The following PIP4K2C variants were observed in gnomAD, a reference collection of about 807,000 sequenced individuals.
PIP4K2C encodes the protein phosphatidylinositol-5-phosphate 4-kinase type 2 gamma, also known as phosphatidylinositol 5-phosphate 4-kinase type-2 gamma.
In PIP4K2C, 21 loss-of-function variants were observed where a neutral mutation model predicts 45.0. The ratio of observed to expected loss-of-function variants is 0.47; its 90% CI spans 0.33 to 0.67. The LOEUF is 0.67. PIP4K2C is among the 30% of genes least tolerant of loss of function. The pLI, the probability that PIP4K2C is intolerant of heterozygous loss-of-function variation, is 0.02. For missense variants in PIP4K2C, 456 were observed against 542.8 expected (o/e 0.84, Z 1.59); for synonymous variants, 201 against 204.8 (o/e 0.98, Z 0.16).
In PIP4K2C at chr12:57,591,479, A is replaced by G. The variant is rs1307554581; in HGVS notation, c.174+16A>G. On this transcript the variant is annotated intron_variant, in intron 1 of 9. Coordinates refer to ENST00000354947, the MANE Select transcript of PIP4K2C (RefSeq NM_024779.5). ...AGCCCACTCGGTGAGAACCAGCCCT[A>G]GACCCCCGCAGCCCTGTCCAAACCC... 3 of 1,601,920 alleles carry G rather than the reference A, an allele frequency of 1.9e-6. No individual in the cohort carries two copies. In the African/African-American group the frequency reaches 4.1e-5, roughly 22 times the overall value.
chr12:57,599,286 T>C, intron 5 of PIP4K2C, 75 bp downstream of exon 5: 3 of 1,605,458 alleles, frequency 1.9e-6, no homozygotes, highest in Non-Finnish European at 2.6e-6. Context: ...GGGAGGTCTT[T>C]GGATGATTCC....
intron 5 of PIP4K2C, 54 bp downstream of exon 5, chr12:57,599,265 G>A: frequency 1.9e-6 from 3 of 1,608,800 alleles, no homozygotes; most frequent in Non-Finnish European, 2.6e-6. Context: ...CCTGAGAATG[G>A]GGAAGACCCT....
chr12:57,598,064 T>C (rs1883266566), intron 4 of PIP4K2C: 1 of 152,176 alleles, frequency 6.6e-6, no homozygotes, highest in Non-Finnish European at 1.5e-5. Flanking sequence ...AGAGAGATGG[T>C]AAGCACTGAA....
At position 57,600,939 on chromosome 12, in the gene PIP4K2C, C is replaced by T; in HGVS notation, c.942C>T (p.Ser314=). The change falls in exon 8 of 10, where the codon AGC becomes AGT. Residue 314 remains serine (S), a synonymous_variant. Coordinates refer to ENST00000354947, the MANE Select transcript of PIP4K2C (RefSeq NM_024779.5). ...AGTCAGAGGTGGATGGGGACTGCAG[C>T]CTGACTGGACCTCCTGCTCTGGTGG... is the stretch of plus-strand genomic sequence containing the variant. ...EDESEVDGDC[S]LTGPPALVGS... 6.2e-7 allele frequency: 1 copy of T among 1,614,210 alleles called. No homozygotes were observed. The highest frequency in any genetic ancestry group is 8.5e-7 in the Non-Finnish European group (1 of 1,180,048).
intron 6 of PIP4K2C, 133 bp downstream of exon 6, chr12:57,599,571 A>G: frequency 9.8e-7 from 1 of 1,022,742 alleles, no homozygotes; most frequent in Non-Finnish European, 1.5e-6. Flanking sequence ...TAAACCACTT[A>G]AAAGAAGGGG....
intron 4 of PIP4K2C, among the ~76,000 whole-genome samples, chr12:57,597,153 G>C (rs1053692305): frequency 2.6e-5 from 4 of 152,210 alleles, no homozygotes; most frequent in African/African-American, 9.7e-5. Flanking sequence ...TGCAAGGGGC[G>C]TGATATATTT....
intron 6 of PIP4K2C, 115 bp from the exon 7 acceptor site, chr12:57,600,209 A>G (rs1883368809): frequency 3.3e-6 from 2 of 597,260 alleles, no homozygotes; most frequent in Admixed American, 5.9e-5. Flanking sequence ...GAAGCATCAC[A>G]GTGTGGAGTT....
intron 2 of PIP4K2C, 28 bp downstream of exon 2, chr12:57,594,150 G>A (rs754884457): frequency 1.3e-6 from 2 of 1,548,268 alleles, no homozygotes; most frequent in Non-Finnish European, 8.8e-7. Flanking sequence ...CCATTCTCAT[G>A]TCAACCTTCC....
At position 57,601,445 on chromosome 12, in the gene PIP4K2C, TGGTCTGG is replaced by T. The variant is rs1310398950; in HGVS notation, c.1186-77_1186-71del. 2.2e-5 allele frequency: 33 copies of T among 1,519,414 alleles called. No homozygotes were observed. The East Asian group carries it at 7.5e-4, about 34-fold the overall frequency. 94.1% of individuals were successfully genotyped at this position (1,519,414 alleles called of 1,614,324 possible). ...CAATGGGGTGGCAAAAGAATGGAGG[TGGTCTGG>T]GGTAGATTGGGTGGGGGTGATGGGG... On this transcript the variant is annotated intron_variant, in intron 9 of 9. Transcript: ENST00000354947.
Position 57,594,023 on chromosome 12 carries a change from A to T in PIP4K2C, c.175-2A>T. Reference sequence around the variant, plus strand: ...TTCCCTATTCATGGTTTGGCTTATCAGATCAATGAGCTCAGCCAGGTGCCT... The same window carrying T: ...TTCCCTATTCATGGTTTGGCTTATCTGATCAATGAGCTCAGCCAGGTGCCT... On this transcript the variant is annotated splice_acceptor_variant, in intron 1 of 9. Transcript: ENST00000354947. LOFTEE classifies it high-confidence loss of function. 1.2e-6 allele frequency: 2 copies of T among 1,612,976 alleles called. No homozygotes were observed. The highest frequency in any genetic ancestry group is 1.7e-6 in the Non-Finnish European group (2 of 1,179,232).
intron 6 of PIP4K2C, 144 bp downstream of exon 6, chr12:57,599,582 G>T (rs1401071790): frequency 2.2e-6 from 2 of 918,056 alleles, no homozygotes; most frequent in African/African-American, 3.3e-5. Context: ...AAAGAAGGGG[G>T]TAAACTTCTG....
At chr12:57,591,921 C>G (rs1793099455) in intron 1 of PIP4K2C, among the ~76,000 whole-genome samples, 1 of 152,084 alleles carries the variant, frequency 6.6e-6, no homozygotes, top group Admixed American at 6.5e-5. Flanking sequence ...AGCCCCGGTC[C>G]TTGGCTTTTG....
Position 57,600,901 on chromosome 12 carries a change from G to A in PIP4K2C, c.904G>A (p.Val302Met), listed in dbSNP as rs145883345. 1.5e-5 allele frequency: 25 copies of A among 1,614,222 alleles called. No homozygotes were observed. Among genetic ancestry groups the A allele is most frequent in the South Asian group, 3.3e-5 (3 of 91,086 alleles). Residue 302 changes from valine (V) to methionine (M), a missense_variant, in exon 8 of 10, where the codon GTG (valine) becomes ATG (methionine). Coordinates refer to ENST00000354947, the MANE Select transcript of PIP4K2C (RefSeq NM_024779.5). ...CTCTGAACCAGAGGAGGAAGCGCCC[G>A]TGCGGGAGGATGAGTCAGAGGTGGA... ...RGSEPEEEAP[V>M]REDESEVDGD...
chr12:57,598,896 C>T (rs926747162), intron 4 of PIP4K2C, among the ~76,000 whole-genome samples, 169 bp from the exon 5 acceptor site: 10 of 152,134 alleles, frequency 6.6e-5, no homozygotes, highest in African/African-American at 2.2e-4. Flanking sequence ...TCAGAAACGG[C>T]ATGGATAACC....
At chr12:57,599,851 C>T (rs1172013409) in intron 6 of PIP4K2C, among the ~76,000 whole-genome samples, 9 of 152,104 alleles carry the variant, frequency 5.9e-5, no homozygotes, top group Non-Finnish European at 1.2e-4. Context: ...CCCAGGAGTT[C>T]CAGACCAGCC....
At chr12:57,593,553 T>C (rs1322729258) in intron 1 of PIP4K2C, among the ~76,000 whole-genome samples, 1 of 152,176 alleles carries the variant, frequency 6.6e-6, no homozygotes, top group Non-Finnish European at 1.5e-5. Context: ...TTGCAGGATA[T>C]GGACATTTAT....
chr12:57,596,322 C>T (rs980063872), intron 4 of PIP4K2C, among the ~76,000 whole-genome samples: 7 of 151,944 alleles, frequency 4.6e-5, no homozygotes, highest in African/African-American at 1.7e-4. Context: ...CCCGTCTCTA[C>T]TAAAAGTACA....
At chr12:57,598,994 T>G in intron 4 of PIP4K2C, 71 bp from the exon 5 acceptor site, 2 of 1,522,972 alleles carry the variant, frequency 1.3e-6, no homozygotes, top group East Asian at 2.3e-5. Flanking sequence ...TGGCAGTGTT[T>G]GAACTTCCCT....
In PIP4K2C at chr12:57,594,029, A is replaced by G. The variant is rs1883085921; in HGVS notation, c.179A>G (p.Asn60Ser). ...ATTCATGGTTTGGCTTATCAGATCA[A>G]TGAGCTCAGCCAGGTGCCTCCCCCG... The part of the protein sequence containing the change: ...VFLWGVAHSI[N>S]ELSQVPPPVM... The change falls in exon 2 of 10, where the codon AAT (asparagine) becomes AGT (serine). Residue 60 changes from asparagine to serine, a missense_variant. Around this residue, in one of 2 missense-constraint regions of PIP4K2C, gnomAD observed 421 missense variants for 473.1 expected, o/e 0.89. Coordinates refer to ENST00000354947, the MANE Select transcript of PIP4K2C (RefSeq NM_024779.5). 19 of 1,613,644 alleles carry G rather than the reference A, an allele frequency of 1.2e-5. No individual in the cohort carries two copies. Among genetic ancestry groups the G allele is most frequent in the Admixed American group, 3.3e-5 (2 of 59,946 alleles).
Sources: allele counts gnomAD v4.1 joint callset (sites outside exome capture counted in the v4.1 genomes callset), GRCh38; gene constraint gnomAD v4.1.1; regional missense constraint gnomAD v4.1.1; transcripts MANE v1.5; gene names NCBI Gene and HGNC (gene_info 2026-07-23, HGNC 2026-07-21).